Variants in RBM27 observed in about 807,000 individuals in gnomAD.
RBM27 encodes the protein RNA binding motif protein 27, also known as RNA-binding protein 27.
In RBM27, 22 loss-of-function variants were observed where a neutral mutation model predicts 135.3. The ratio of observed to expected loss-of-function variants is 0.16; its 90% confidence interval spans 0.12 to 0.23. RBM27 has a LOEUF of 0.23. Among genes scored for constraint, RBM27 ranks in the 10% least tolerant of loss-of-function variants. RBM27 has a pLI of 1.00. For synonymous variants in RBM27, 481 were observed against 442.4 expected, an observed-to-expected ratio of 1.09 and a Z score of -1.10; for missense variants, 1,009 against 1,281.0, an observed-to-expected ratio of 0.79 and a Z score of 3.24.
chr5:146,286,711 G>A lies in RBM27; in HGVS notation c.*681G>A, dbSNP rs1026036532. On this transcript the variant is annotated 3_prime_UTR_variant, in exon 21 of 21. Transcript: ENST00000265271. ...CCATTCTCTTGTCATATGAACTCCT[G>A]GACTTTTCCTGCTACTGATTCTTAG... The A allele has an allele frequency of 2.0e-5, 3 of 152,004 alleles. No individual in the cohort carries two copies. Among genetic ancestry groups the A allele is most frequent in the Non-Finnish European group, 4.4e-5 (3 of 67,996 alleles). The allele number at this position is 152,004 out of a possible 1,614,324, so 9.4% of individuals were successfully genotyped here.
chr5:146,256,336 T>A lies in RBM27; in HGVS notation c.1594+1244T>A, dbSNP rs535676093. Reference sequence around the variant, plus strand: ...ATATATATTTTTATATATATTATTTTTATATATATTATTTATATATATATA... The same window carrying A: ...ATATATATTTTTATATATATTATTTATATATATATTATTTATATATATATA... On this transcript the variant is annotated intron_variant, in intron 10 of 20. Transcript: ENST00000265271. Among the ~76,000 whole-genome samples, 335 of 146,326 alleles carry A rather than the reference T, an allele frequency of 2.3e-3. 1 individual carries two copies. The highest frequency in any genetic ancestry group is 3.6e-3 in the Non-Finnish European group (241 of 66,920).
At chr5:146,208,439 C>T (rs1272847094) in intron 1 of RBM27, among the ~76,000 whole-genome samples, 1 of 152,122 alleles carries the variant, frequency 6.6e-6, no homozygotes, top group African/African-American at 2.4e-5. Flanking sequence ...CCTTAACTGG[C>T]TGGAATAGAC....
rs755230065 is a variant in RBM27, at chr5:146,229,702, A to G, written c.396-15A>G. ...TCTATAGCCTGCATATGGCTTTTAT[A>G]TCTGTATATTATAGGACACGTGAGA... On this transcript the variant is annotated splice_polypyrimidine_tract_variant and intron_variant, in intron 4 of 20. Transcript: ENST00000265271. 1.3e-6 allele frequency: 2 copies of G among 1,573,684 alleles called. No homozygotes were observed. The highest frequency in any genetic ancestry group is 2.2e-5 in the East Asian group (1 of 44,672).
chr5:146,285,714 G>C (rs1258437739), intron 20 of RBM27, among the ~76,000 whole-genome samples: 1 of 151,334 alleles, frequency 6.6e-6, no homozygotes, highest in Non-Finnish European at 1.5e-5. Flanking sequence ...GATGATATTA[G>C]AGTAGAAATC....
chr5:146,268,789 C>T (rs1040431540), intron 15 of RBM27, among the ~76,000 whole-genome samples: 2 of 151,868 alleles, frequency 1.3e-5, no homozygotes, highest in Admixed American at 6.6e-5. Context: ...ATTCTGTTGC[C>T]GAGGCTGGAC....
chr5:146,278,494 A>T (rs1214816766), intron 19 of RBM27, among the ~76,000 whole-genome samples: 1 of 151,752 alleles, frequency 6.6e-6, no homozygotes, highest in Non-Finnish European at 1.5e-5. Flanking sequence ...CTGCTTAAAG[A>T]TATTCTCTCT....
At chr5:146,285,364 A>C (rs974829764) in intron 20 of RBM27, among the ~76,000 whole-genome samples, 4 of 152,236 alleles carry the variant, frequency 2.6e-5, no homozygotes, top group Middle Eastern at 3.4e-3. Context: ...TAGTTTGATC[A>C]AGTGTCTTCT....
chr5:146,260,733 T>A lies in RBM27; in HGVS notation c.1740-12T>A. The A allele has an allele frequency of 1.9e-6, 3 of 1,591,408 alleles. No homozygotes were observed. Among genetic ancestry groups the A allele is most frequent in the Non-Finnish European group, 2.6e-6 (3 of 1,169,896 alleles). On this transcript the variant is annotated splice_polypyrimidine_tract_variant and intron_variant, in intron 11 of 20. Coordinates refer to ENST00000265271, the MANE Select transcript of RBM27 (RefSeq NM_018989.2). ...AGGAGAATTAACCAAGATGTATTAATCTTCCTTTTAGGCAAGGAAATAACA... is the reference window on the plus strand; with the variant it reads ...AGGAGAATTAACCAAGATGTATTAAACTTCCTTTTAGGCAAGGAAATAACA...
intron 18 of RBM27, 25 bp downstream of exon 18, chr5:146,271,083 C>T (rs776650502): frequency 5.1e-6 from 8 of 1,554,600 alleles, no homozygotes; most frequent in Non-Finnish European, 5.3e-6. Context: ...GAGTTAGCGC[C>T]CCACCACATT....
At chr5:146,284,187 C>T (rs1159828431) in intron 19 of RBM27, among the ~76,000 whole-genome samples, 2 of 152,040 alleles carry the variant, frequency 1.3e-5, no homozygotes, top group Non-Finnish European at 2.9e-5. Flanking sequence ...GAACTTTATC[C>T]AACATAGGTG....
chr5:146,270,913 G>T (rs1221971255), intron 17 of RBM27, 41 bp from the exon 18 acceptor site: 5 of 1,315,258 alleles, frequency 3.8e-6, no homozygotes, highest in Non-Finnish European at 5.4e-6. Flanking sequence ...GATCTTGTAA[G>T]TTATCTAAAA....
intron 17 of RBM27, among the ~76,000 whole-genome samples, chr5:146,269,843 G>A (rs371775571): frequency 6.6e-6 from 1 of 150,916 alleles, no homozygotes. Context: ...AGAGTGCTGG[G>A]ATTACAGGTG....
At chr5:146,256,634 A>G (rs776225930) in intron 10 of RBM27, among the ~76,000 whole-genome samples, 10 of 152,066 alleles carry the variant, frequency 6.6e-5, no homozygotes, top group Non-Finnish European at 1.3e-4. Context: ...TATTACAGGC[A>G]TGAGCCACTG....
chr5:146,255,144 T>A, intron 10 of RBM27, 52 bp downstream of exon 10: 1 of 1,504,464 alleles, frequency 6.6e-7, no homozygotes, highest in Non-Finnish European at 9.1e-7. Flanking sequence ...AGTAGTTGGA[T>A]ATAGTTATTA....
rs1335112670 is a variant in RBM27, at chr5:146,287,517, G to A, written c.*1487G>A. 1 of 152,004 alleles carries A rather than the reference G, an allele frequency of 6.6e-6. No homozygotes were observed. 9.4% of individuals were successfully genotyped at this position (152,004 alleles called of 1,614,324 possible). ...GTATGAAAATTTGAAACCTCCTGTT[G>A]TCTCCAAAAGGGTCTTGGTGACCAC... On this transcript the variant is annotated 3_prime_UTR_variant, in exon 21 of 21. Transcript: ENST00000265271.
At chr5:146,232,129 C>G (rs1339560094) in intron 6 of RBM27, among the ~76,000 whole-genome samples, 2 of 152,182 alleles carry the variant, frequency 1.3e-5, no homozygotes, top group African/African-American at 4.8e-5. Context: ...TAGGCACCAA[C>G]CCATGGGGAA....
At chr5:146,273,500 T>C (rs996600124) in intron 19 of RBM27, among the ~76,000 whole-genome samples, 7 of 152,126 alleles carry the variant, frequency 4.6e-5, no homozygotes, top group African/African-American at 1.7e-4. Flanking sequence ...TTTGGATGGC[T>C]CTTTTTTTTT....
At chr5:146,256,872 A>T (rs544580361) in intron 10 of RBM27, among the ~76,000 whole-genome samples, 17 of 152,162 alleles carry the variant, frequency 1.1e-4, no homozygotes, top group African/African-American at 3.9e-4. Flanking sequence ...CTTTAATATG[A>T]CACACTTCAT....
At chr5:146,208,356 C>G (rs1755792344) in intron 1 of RBM27, among the ~76,000 whole-genome samples, 1 of 152,154 alleles carries the variant, frequency 6.6e-6, no homozygotes, top group Non-Finnish European at 1.5e-5. Flanking sequence ...ACCTTCCATT[C>G]CCTTTGTAGG....
Sources: gnomAD v4.1 joint callset for allele counts (sites outside exome capture counted in the v4.1 genomes callset) on GRCh38, gnomAD v4.1.1 for gene constraint, MANE v1.5 for transcripts, NCBI Gene and HGNC (gene_info 2026-07-23, HGNC 2026-07-21) for gene names.